Variants in ASIC2 observed in about 807,000 individuals in gnomAD.
ASIC2 encodes acid-sensing ion channel 2.
A neutral mutation model predicts 57.3 loss-of-function variants in ASIC2; 25 were observed. The observed-to-expected ratio is 0.44, with a 90% CI of 0.32 to 0.61. The LOEUF (loss-of-function observed/expected upper bound fraction) is 0.61. Among genes scored for constraint, ASIC2 ranks in the 20% least tolerant of loss-of-function variants. The pLI is 0.06. For missense variants in ASIC2, 641 were observed against 738.1 expected, an observed-to-expected ratio of 0.87 and a Z score of 1.52; for synonymous variants, 319 against 307.5, an observed-to-expected ratio of 1.04 and a Z score of -0.39.
At chr17:34,071,015 C>G (rs1159425992) in intron 1 of ASIC2, 1 of 152,188 alleles carries the variant, frequency 6.6e-6, no homozygotes, top group South Asian at 2.1e-4. Flanking sequence ...TTCCCTGAAA[C>G]TCCAAGTTCT....
intron 8 of ASIC2, 82 bp from the exon 9 acceptor site, chr17:33,016,121 T>C: frequency 7.2e-7 from 1 of 1,388,346 alleles, no homozygotes; most frequent in Non-Finnish European, 1.0e-6. Context: ...TGGGCCCCAC[T>C]GGGGTGGCAG....
chr17:33,865,584 A>G (rs1017355366), intron 1 of ASIC2, among the ~76,000 whole-genome samples: 1 of 151,962 alleles, frequency 6.6e-6, no homozygotes, highest in Non-Finnish European at 1.5e-5. Flanking sequence ...CCTCTAATCT[A>G]TGGTGGATGC....
intron 1 of ASIC2, among the ~76,000 whole-genome samples, chr17:33,868,713 T>G (rs380840): frequency 6.6e-6 from 1 of 151,512 alleles, no homozygotes; most frequent in Non-Finnish European, 1.5e-5. Context: ...ATCAAGTACT[T>G]GTATCCCAAA....
chr17:33,552,034 T>C (rs984697658), intron 1 of ASIC2, among the ~76,000 whole-genome samples: 17 of 152,192 alleles, frequency 1.1e-4, no homozygotes, highest in South Asian at 2.1e-4. Context: ...ACAGTCGGGA[T>C]GGGCTCACAG....
chr17:34,139,663 C>T (rs1348139198), intron 1 of ASIC2, among the ~76,000 whole-genome samples: 1 of 152,010 alleles, frequency 6.6e-6, no homozygotes, highest in Non-Finnish European at 1.5e-5. Flanking sequence ...ACAAAATGCA[C>T]ATACTACATG....
chr17:33,480,367 A>G (rs1913363385), intron 1 of ASIC2, among the ~76,000 whole-genome samples: 1 of 152,214 alleles, frequency 6.6e-6, no homozygotes, highest in Non-Finnish European at 1.5e-5. Flanking sequence ...CCAAGGAGGT[A>G]ACAATTCCAG....
intron 1 of ASIC2, chr17:34,146,625 T>A (rs1432598849): frequency 1.3e-5 from 2 of 152,206 alleles, no homozygotes. Flanking sequence ...AGTCAGTCAC[T>A]GGCCACTGGC....
chr17:33,225,259 G>A (rs1025074788), intron 1 of ASIC2, among the ~76,000 whole-genome samples: 5 of 152,192 alleles, frequency 3.3e-5, no homozygotes, highest in African/African-American at 1.2e-4. Context: ...AACAGGTGAT[G>A]GTTCAGCACA....
At chr17:33,424,675 T>C (rs531116202) in intron 1 of ASIC2, among the ~76,000 whole-genome samples, 39 of 152,218 alleles carry the variant, frequency 2.6e-4, no homozygotes, top group Admixed American at 9.8e-4. Context: ...TCAACTTTCA[T>C]TATTTTTCAC....
chr17:33,440,990 G>T (rs1024021305), intron 1 of ASIC2, among the ~76,000 whole-genome samples: 3 of 151,234 alleles, frequency 2.0e-5, no homozygotes, highest in Non-Finnish European at 4.4e-5. Flanking sequence ...TTTTTTAAAG[G>T]CAGGGCCTTG....
intron 1 of ASIC2, among the ~76,000 whole-genome samples, chr17:33,462,971 G>A (rs953557664): frequency 1.3e-5 from 2 of 152,122 alleles, no homozygotes; most frequent in African/African-American, 2.4e-5. Context: ...TACTTCCTGC[G>A]GATCTCTTCC....
At chr17:34,147,484 C>T (rs1371459534) in intron 1 of ASIC2, among the ~76,000 whole-genome samples, 1 of 152,182 alleles carries the variant, frequency 6.6e-6, no homozygotes, top group East Asian at 1.9e-4. Flanking sequence ...GAATGCTGTC[C>T]TCAAATAAAG....
chr17:34,028,716 G>A (rs943930831), intron 1 of ASIC2, among the ~76,000 whole-genome samples: 3 of 152,182 alleles, frequency 2.0e-5, no homozygotes, highest in East Asian at 3.9e-4. Context: ...TCCTGGAGAT[G>A]AGCACAGATC....
chr17:33,368,830 C>G (rs750262799), intron 1 of ASIC2, among the ~76,000 whole-genome samples: 1 of 152,162 alleles, frequency 6.6e-6, no homozygotes, highest in Non-Finnish European at 1.5e-5. Flanking sequence ...CGTCTTAGCT[C>G]AGGATCCTCT....
At chr17:33,163,123 C>A (rs1490572263) in intron 1 of ASIC2, among the ~76,000 whole-genome samples, 3 of 152,050 alleles carry the variant, frequency 2.0e-5, no homozygotes, top group Non-Finnish European at 4.4e-5. Context: ...TGAAGGGGAC[C>A]ACTGGATAGA....
At chr17:33,214,081 C>T (rs1421825211) in intron 1 of ASIC2, among the ~76,000 whole-genome samples, 3 of 152,282 alleles carry the variant, frequency 2.0e-5, no homozygotes, top group African/African-American at 4.8e-5. Context: ...GTCCATCTCT[C>T]GTGCCCAGGG....
chr17:33,087,888 T>C (rs1277223485), intron 3 of ASIC2, among the ~76,000 whole-genome samples: 1 of 152,110 alleles, frequency 6.6e-6, no homozygotes, highest in Non-Finnish European at 1.5e-5. Context: ...CAGAATATCA[T>C]TTTATAAAAT....
chr17:33,632,470 G>A (rs1906206076), intron 1 of ASIC2, among the ~76,000 whole-genome samples: 1 of 152,130 alleles, frequency 6.6e-6, no homozygotes, highest in Admixed American at 6.5e-5. Context: ...CTAGTCACAT[G>A]TTTTGTAGGC....
At chr17:34,115,399 T>A (rs1911396749) in intron 1 of ASIC2, among the ~76,000 whole-genome samples, 2 of 152,200 alleles carry the variant, frequency 1.3e-5, no homozygotes, top group African/African-American at 4.8e-5. Context: ...TGACAAGTAG[T>A]CACTCAACCC....
Sources: allele counts gnomAD v4.1 joint callset (sites outside exome capture counted in the v4.1 genomes callset), GRCh38; gene constraint gnomAD v4.1.1; transcripts MANE v1.5; gene names NCBI Gene and HGNC (gene_info 2026-07-23, HGNC 2026-07-21).